The following STAC variants were observed in gnomAD, a reference collection of about 807,000 sequenced individuals.
STAC encodes the protein SH3 and cysteine-rich domain-containing protein.
A neutral mutation model predicts 48.8 loss-of-function variants in STAC; 43 were observed. The observed-to-expected ratio is 0.88, with a 90% CI of 0.69 to 1.14. The LOEUF (loss-of-function observed/expected upper bound fraction) is 1.14, where lower values mean the gene tolerates loss of function less well. Among genes scored for constraint, STAC ranks in the 50% most tolerant of loss-of-function variants. STAC has a pLI of 0.00. For synonymous variants in STAC, 193 were observed against 179.5 expected, an observed-to-expected ratio of 1.07 and a Z score of -0.60; for missense variants, 497 against 504.0, an observed-to-expected ratio of 0.99 and a Z score of 0.13.
At chr3:36,412,368 C>T (rs1575182286) in intron 1 of STAC, among the ~76,000 whole-genome samples, 1 of 152,206 alleles carries the variant, frequency 6.6e-6, no homozygotes, top group East Asian at 1.9e-4. Flanking sequence ...TTGGCCAAAA[C>T]TGTCACATGG....
At position 36,431,281 on chromosome 3, in the gene STAC, G is replaced by T. The variant is rs370416012; in HGVS notation, c.112-12083G>T. Among the ~76,000 whole-genome samples the T allele has an allele frequency of 3.9e-5, 6 of 152,186 alleles. No homozygotes were observed. In the East Asian group the frequency reaches 1.2e-3, roughly 30 times the overall value. ...CCCAGCACTCTCTTTGTTCTCGGGG[G>T]AAAACACCAGTGTGGTCCCTGGGAC... On this transcript the variant is annotated intron_variant, in intron 1 of 10. Coordinates refer to ENST00000273183, the MANE Select transcript of STAC (RefSeq NM_003149.3).
At chr3:36,543,442 T>G (rs1358354393) in intron 10 of STAC, among the ~76,000 whole-genome samples, 1 of 152,146 alleles carries the variant, frequency 6.6e-6, no homozygotes, top group Non-Finnish European at 1.5e-5. Flanking sequence ...ATCAAAGCAC[T>G]TTAGAGATGC....
intron 2 of STAC, among the ~76,000 whole-genome samples, chr3:36,460,958 T>C (rs1478981348): frequency 6.6e-6 from 1 of 152,156 alleles, no homozygotes; most frequent in Non-Finnish European, 1.5e-5. Flanking sequence ...TTTTATTTCT[T>C]AATATAAGAA....
intron 1 of STAC, among the ~76,000 whole-genome samples, chr3:36,426,204 T>C (rs1700560747): frequency 1.3e-5 from 2 of 152,372 alleles, no homozygotes; most frequent in South Asian, 2.1e-4. Flanking sequence ...TAGTTTTCTT[T>C]TTCTCACTTG....
At chr3:36,405,262 G>C (rs988310718) in intron 1 of STAC, among the ~76,000 whole-genome samples, 2 of 152,100 alleles carry the variant, frequency 1.3e-5, no homozygotes, top group Non-Finnish European at 2.9e-5. Context: ...ACCTGAGCTT[G>C]CTACCCCTGA....
At chr3:36,536,679 G>A (rs1490508440) in intron 10 of STAC, among the ~76,000 whole-genome samples, 1 of 151,944 alleles carries the variant, frequency 6.6e-6, no homozygotes, top group Non-Finnish European at 1.5e-5. Context: ...AATTGACAAA[G>A]GGGATCTAAT....
rs558869658 is a variant in STAC at position 36,528,638 on chromosome 3, A to T, written c.921-58A>T. 23 of 1,376,488 alleles carry T rather than the reference A, an allele frequency of 1.7e-5. No individual in the cohort carries two copies. In the African/African-American group the frequency reaches 3.4e-4, roughly 20 times the overall value. The allele number at this position is 1,376,488 out of a possible 1,614,324, so 85.3% of individuals were successfully genotyped here. A position where few individuals can be genotyped will look rare whatever the true frequency, so the allele number is the denominator to read the frequency against. On this transcript the variant is annotated intron_variant, in intron 8 of 10. Coordinates refer to ENST00000273183, the MANE Select transcript of STAC (RefSeq NM_003149.3). ...ATGAGAAATGATTACTCCTGACTTT[A>T]AAGTATGTTATTTTTCTTTTTTTTT...
intron 10 of STAC, among the ~76,000 whole-genome samples, chr3:36,539,325 A>G (rs1447094553): frequency 6.6e-6 from 1 of 152,082 alleles, no homozygotes; most frequent in Non-Finnish European, 1.5e-5. Flanking sequence ...AGCACCCATT[A>G]GTTATTTTTT....
chr3:36,511,459 C>T (rs75584668), intron 8 of STAC, among the ~76,000 whole-genome samples: 285 of 152,272 alleles, frequency 1.9e-3, no homozygotes, highest in African/African-American at 6.5e-3. Flanking sequence ...AATCTCATGA[C>T]AGGGGTCTCT....
chr3:36,500,796 A>C (rs1209722585), intron 6 of STAC, among the ~76,000 whole-genome samples: 1 of 152,138 alleles, frequency 6.6e-6, no homozygotes, highest in Non-Finnish European at 1.5e-5. Context: ...CACTTCTAAA[A>C]TTTTTATAGC....
chr3:36,493,485 CAT>C (rs71085127), intron 6 of STAC, among the ~76,000 whole-genome samples: 9 of 150,418 alleles, frequency 6.0e-5, no homozygotes, highest in East Asian at 2.0e-4. Flanking sequence ...AGTATATATA[CAT>C]ATATATATAT....
In STAC at chr3:36,443,599, A is replaced by T. The variant is rs1378173050; in HGVS notation, c.347A>T (p.Lys116Met). The part of the protein sequence containing the change: ...KAHAFQEYIF[K>M]KPTFCDVCNH... ...CATGCCTTTCAGGAATACATCTTCA[A>T]GAAGCCCACTTTCTGTGATGTCTGC... Residue 116 changes from lysine (K) to methionine (M), a missense_variant, in exon 2 of 11, where the codon AAG (lysine) becomes ATG (methionine). Coordinates refer to ENST00000273183, the MANE Select transcript of STAC (RefSeq NM_003149.3). The surrounding 1 kb of genome is among the most constrained non-coding windows in gnomAD (Gnocchi z 4.2). The T allele has an allele frequency of 6.2e-7, 1 of 1,613,812 alleles. No individual in the cohort carries two copies. Among genetic ancestry groups the T allele is most frequent in the African/African-American group, 1.3e-5 (1 of 74,916 alleles).
intron 1 of STAC, among the ~76,000 whole-genome samples, chr3:36,407,010 T>G (rs1700099150): frequency 6.6e-6 from 1 of 152,200 alleles, no homozygotes; most frequent in Non-Finnish European, 1.5e-5. Context: ...CGCTCTAAAT[T>G]CACGTTCCTC....
chr3:36,537,557 G>C (rs1699228570), intron 10 of STAC, among the ~76,000 whole-genome samples: 2 of 152,058 alleles, frequency 1.3e-5, no homozygotes, highest in Non-Finnish European at 2.9e-5. Flanking sequence ...GGGGCGTGGT[G>C]GGGTAGTGAG....
intron 5 of STAC, among the ~76,000 whole-genome samples, chr3:36,491,132 A>G (rs1249370481): frequency 6.6e-6 from 1 of 152,252 alleles, no homozygotes; most frequent in Non-Finnish European, 1.5e-5. Flanking sequence ...GGTCAGTAAT[A>G]ATGAACTTCA....
intron 1 of STAC, among the ~76,000 whole-genome samples, chr3:36,406,843 C>T (rs1202187928): frequency 6.6e-6 from 1 of 152,178 alleles, no homozygotes; most frequent in Non-Finnish European, 1.5e-5. Flanking sequence ...TTACCAACTC[C>T]TGCTCTATTA....
intron 10 of STAC, among the ~76,000 whole-genome samples, chr3:36,538,461 A>G (rs1699248954): frequency 6.6e-6 from 1 of 152,190 alleles, no homozygotes; most frequent in South Asian, 2.1e-4. Context: ...GTTATTGATA[A>G]CTGCAATGAA....
At chr3:36,416,895 C>T (rs1409061403) in intron 1 of STAC, among the ~76,000 whole-genome samples, 1 of 152,220 alleles carries the variant, frequency 6.6e-6, no homozygotes, top group African/African-American at 2.4e-5. Context: ...CAGGCTTCCT[C>T]TGGTACTGTT....
intron 1 of STAC, among the ~76,000 whole-genome samples, chr3:36,398,320 C>CAAGAAAGAAAGAAAGAAAGA (rs71288102): frequency 7.2e-4 from 59 of 82,240 alleles, no homozygotes; most frequent in South Asian, 2.3e-3. Flanking sequence ...AGAAAGAAAG[C>CAAGAAAGAAAGAAAGAAAGA]AAGAAAGAAA....
Sources: allele counts gnomAD v4.1 joint callset (sites outside exome capture counted in the v4.1 genomes callset), GRCh38; gene constraint gnomAD v4.1.1; non-coding constraint Gnocchi (gnomAD v3.1); transcripts MANE v1.5; gene names NCBI Gene and HGNC (gene_info 2026-07-23, HGNC 2026-07-21).